The following AMPH variants were observed in gnomAD, a reference collection of about 807,000 sequenced individuals.
AMPH encodes the protein amphiphysin (Stiff-Mann syndrome with breast cancer 128kD autoantigen).
A neutral mutation model predicts 99.1 loss-of-function variants in AMPH; 49 were observed. That is an observed-to-expected ratio of 0.49 (90% CI 0.39 to 0.63). AMPH has a LOEUF of 0.63. Among genes scored for constraint, AMPH ranks in the 20% least tolerant of loss-of-function variants. AMPH has a pLI of 0.00. For synonymous variants in AMPH, 314 were observed against 317.3 expected (o/e 0.99, Z 0.11); for missense variants, 759 against 863.4 (o/e 0.88, Z 1.52).
In AMPH at chr7:38,436,127, C is replaced by T. The variant is rs958287491; in HGVS notation, c.1134+145G>A. 5 of 633,200 alleles carry T rather than the reference C, an allele frequency of 7.9e-6. No individual in the cohort carries two copies. In the African/African-American group the frequency reaches 9.2e-5, roughly 12 times the overall value. 39.2% of individuals were successfully genotyped at this position (633,200 alleles called of 1,614,324 possible). On this transcript the variant is annotated intron_variant, in intron 12 of 20. Coordinates refer to ENST00000356264, the MANE Select transcript of AMPH (RefSeq NM_001635.4). ...AACTGATATAGATAAGGTCCCCTTT[C>T]TACCCCTCTTTCCTATTAGGAAATA...
chr7:38,391,946 A>G lies in AMPH; in HGVS notation c.1680T>C (p.Thr560=), dbSNP rs1784510754. Residue 560 remains threonine (T), a synonymous_variant, in exon 19 of 21, where the codon ACT becomes ACC. Coordinates refer to ENST00000356264, the MANE Select transcript of AMPH (RefSeq NM_001635.4). ...NHEEEGENEI[T]IGAEPKETTE... is the part of the protein sequence containing the mutation. ...TGGTCTCCTTGGGCTCTGCACCTAT[A>G]GTTATTTCGTTTTCTCCTTCCTCTT... The G allele has an allele frequency of 6.2e-7, 1 of 1,612,186 alleles. No individual in the cohort carries two copies. Among genetic ancestry groups the G allele is most frequent in the South Asian group, 1.1e-5 (1 of 91,044 alleles).
At chr7:38,537,283 G>T (rs79516123) in intron 1 of AMPH, among the ~76,000 whole-genome samples, 7,565 of 152,162 alleles carry the variant, frequency 0.05, 402 homozygotes, top group East Asian at 0.14. Flanking sequence ...GTAAGATAAA[G>T]ATATTAATAG....
chr7:38,430,625 A>G (rs552507586), intron 13 of AMPH, among the ~76,000 whole-genome samples: 7 of 152,372 alleles, frequency 4.6e-5, no homozygotes, highest in African/African-American at 1.4e-4. Context: ...ATATTGGAAT[A>G]ACAAAAAATA....
At chr7:38,394,842 C>T (rs953328230) in intron 17 of AMPH, among the ~76,000 whole-genome samples, 5 of 152,226 alleles carry the variant, frequency 3.3e-5, no homozygotes, top group African/African-American at 1.2e-4. Context: ...GAATGTGACA[C>T]TTGCCTCATT....
At chr7:38,602,953 A>T (rs1473623218) in intron 1 of AMPH, among the ~76,000 whole-genome samples, 1 of 152,190 alleles carries the variant, frequency 6.6e-6, no homozygotes, top group Non-Finnish European at 1.5e-5. Context: ...GGAAGGCTGA[A>T]AGTTGCCTGA....
At chr7:38,407,376 C>A (rs901551619) in intron 17 of AMPH, among the ~76,000 whole-genome samples, 7 of 148,350 alleles carry the variant, frequency 4.7e-5, no homozygotes, top group Middle Eastern at 7.2e-3. Flanking sequence ...AGTGAGAACA[C>A]CACATGTTCT....
chr7:38,629,195 G>T (rs1412260181), intron 1 of AMPH, among the ~76,000 whole-genome samples: 1 of 152,122 alleles, frequency 6.6e-6, no homozygotes, highest in African/African-American at 2.4e-5. Context: ...CTCCATTTGG[G>T]CTGGGCTGCT....
At chr7:38,400,057 C>T (rs900665850) in intron 17 of AMPH, among the ~76,000 whole-genome samples, 2 of 152,068 alleles carry the variant, frequency 1.3e-5, no homozygotes, top group Non-Finnish European at 2.9e-5. Context: ...ACCATACATA[C>T]CTCATTGCTT....
At chr7:38,584,761 C>G (rs1042495791) in intron 1 of AMPH, among the ~76,000 whole-genome samples, 3 of 152,198 alleles carry the variant, frequency 2.0e-5, no homozygotes, top group Non-Finnish European at 4.4e-5. Flanking sequence ...CCGGGGCACA[C>G]GGCCTGATTC....
chr7:38,388,808 T>TA (rs962544889), intron 20 of AMPH, among the ~76,000 whole-genome samples: 1 of 150,902 alleles, frequency 6.6e-6, no homozygotes, highest in East Asian at 1.9e-4. Context: ...CCCAGCTAAT[T>TA]AAAAAAAAAA....
intron 1 of AMPH, among the ~76,000 whole-genome samples, chr7:38,564,966 T>C (rs1004579167): frequency 2.6e-4 from 39 of 151,656 alleles, no homozygotes; most frequent in African/African-American, 9.0e-4. Context: ...CTACTAAAAA[T>C]ACAAAAAATT....
At chr7:38,449,624 A>G (rs985337048) in intron 11 of AMPH, among the ~76,000 whole-genome samples, 3 of 152,214 alleles carry the variant, frequency 2.0e-5, no homozygotes, top group Admixed American at 6.5e-5. Flanking sequence ...ACTCCTGCTC[A>G]AGGAATGGAA....
In AMPH at chr7:38,383,846, G is replaced by T. The variant is rs1422338637; in HGVS notation, c.*972C>A. On this transcript the variant is annotated 3_prime_UTR_variant, in exon 21 of 21. Transcript: ENST00000356264. ...TCTGTGAAGATGAGTTGCATAAATA[G>T]AAAGAGGTGGAAATATAGAGGAGCT... is the stretch of plus-strand genomic sequence containing the variant. 1 of 152,622 alleles carries T rather than the reference G, an allele frequency of 6.6e-6. No homozygotes were observed. Among genetic ancestry groups the T allele is most frequent in the Non-Finnish European group, 1.5e-5 (1 of 68,036 alleles). 9.5% of individuals were successfully genotyped at this position (152,622 alleles called of 1,614,324 possible). A position where few individuals can be genotyped will look rare whatever the true frequency, so the allele number is the denominator to read the frequency against.
intron 3 of AMPH, among the ~76,000 whole-genome samples, chr7:38,499,648 C>T (rs1158582231): frequency 6.6e-6 from 1 of 152,134 alleles, no homozygotes; most frequent in African/African-American, 2.4e-5. Flanking sequence ...CAGAGTTGTC[C>T]TTGGGAAAAC....
At chr7:38,393,805 A>G (rs1003968766) in intron 18 of AMPH, among the ~76,000 whole-genome samples, 200 bp downstream of exon 18, 12 of 152,176 alleles carry the variant, frequency 7.9e-5, no homozygotes, top group African/African-American at 2.7e-4. Flanking sequence ...CTGAGGGCCT[A>G]TATGCAACAT....
At chr7:38,416,367 A>G (rs1785387249) in intron 17 of AMPH, among the ~76,000 whole-genome samples, 1 of 151,994 alleles carries the variant, frequency 6.6e-6, no homozygotes, top group Non-Finnish European at 1.5e-5. Flanking sequence ...ACAACATCCA[A>G]TGCTGCCCCT....
chr7:38,483,486 C>A (rs1463184408), intron 5 of AMPH, among the ~76,000 whole-genome samples: 3 of 152,096 alleles, frequency 2.0e-5, no homozygotes, highest in Non-Finnish European at 4.4e-5. Flanking sequence ...AACGATACAA[C>A]CTTTGGGGGC....
chr7:38,609,242 A>C (rs1319748948), intron 1 of AMPH, among the ~76,000 whole-genome samples: 1 of 152,220 alleles, frequency 6.6e-6, no homozygotes, highest in Admixed American at 6.5e-5. Context: ...CGCAGCACAC[A>C]GGAGGGCAAG....
intron 1 of AMPH, among the ~76,000 whole-genome samples, chr7:38,542,593 C>G (rs1390692856): frequency 6.6e-6 from 1 of 152,138 alleles, no homozygotes; most frequent in Non-Finnish European, 1.5e-5. Context: ...CGCCACAGAA[C>G]GGGTCTGTTC....
Sources: gnomAD v4.1 joint callset for allele counts (sites outside exome capture counted in the v4.1 genomes callset) on GRCh38, gnomAD v4.1.1 for gene constraint, MANE v1.5 for transcripts, NCBI Gene and HGNC (gene_info 2026-07-23, HGNC 2026-07-21) for gene names.